Variants in SRD5A2 observed in about 807,000 individuals in gnomAD.
The protein encoded by SRD5A2 is 3-oxo-5-alpha-steroid 4-dehydrogenase 2.
In SRD5A2, 30 loss-of-function variants were observed where a neutral mutation model predicts 27.4. The observed-to-expected ratio is 1.10, with a 90% confidence interval of 0.82 to 1.49. The LOEUF is 1.49. Ranked by LOEUF, SRD5A2 falls within the 40% of genes most tolerant of loss-of-function variation. The pLI is 0.00. For synonymous variants in SRD5A2, 141 were observed against 133.6 expected (o/e 1.06, Z -0.38); for missense variants, 348 against 323.4 (o/e 1.08, Z -0.58).
At chr2:31,544,956 A>C (rs1238167551) in intron 1 of SRD5A2, among the ~76,000 whole-genome samples, 3 of 151,926 alleles carry the variant, frequency 2.0e-5, no homozygotes, top group Non-Finnish European at 4.4e-5. Flanking sequence ...CTACATGAAA[A>C]AGTTCAGATT....
chr2:31,628,666 T>C, the SRD5A2 span, among the ~76,000 whole-genome samples: 1 of 152,166 alleles, frequency 6.6e-6, no homozygotes, highest in South Asian at 2.1e-4. Context: ...GGCAGGTGTG[T>C]TAAATTCCCT....
chr2:31,605,003 C>A, the SRD5A2 span, among the ~76,000 whole-genome samples: 1 of 151,718 alleles, frequency 6.6e-6, no homozygotes, highest in African/African-American at 2.4e-5. Context: ...ATCCCACACA[C>A]CTACAGTGAA....
At chr2:31,540,283 G>A (rs1254678648) in intron 1 of SRD5A2, among the ~76,000 whole-genome samples, 1 of 151,944 alleles carries the variant, frequency 6.6e-6, no homozygotes, top group East Asian at 1.9e-4. Flanking sequence ...GAAAAACAGA[G>A]AGAACAAATA....
chr2:31,639,915 G>T, the SRD5A2 span, among the ~76,000 whole-genome samples: 1 of 151,908 alleles, frequency 6.6e-6, no homozygotes, highest in East Asian at 1.9e-4. Context: ...TCTATTATTT[G>T]TTTAAATAAG....
intron 1 of SRD5A2, among the ~76,000 whole-genome samples, chr2:31,557,515 G>A (rs1666524112): frequency 6.6e-6 from 1 of 152,010 alleles, no homozygotes; most frequent in South Asian, 2.1e-4. Context: ...TTTTTCAAGG[G>A]TTATACCATA....
the SRD5A2 span, among the ~76,000 whole-genome samples, chr2:31,607,499 T>C: frequency 6.6e-6 from 1 of 151,082 alleles, no homozygotes; most frequent in South Asian, 2.1e-4. Context: ...ATTCTTAAAA[T>C]ACTGGAAAAA....
chr2:31,596,648 G>A, the SRD5A2 span, among the ~76,000 whole-genome samples: 4,750 of 152,184 alleles, frequency 0.031, 107 homozygotes, highest in South Asian at 0.077. Flanking sequence ...CAAAGTTTCA[G>A]GATACAAAAT....
chr2:31,650,609 T>G, the SRD5A2 span, among the ~76,000 whole-genome samples: 1 of 152,144 alleles, frequency 6.6e-6, no homozygotes, highest in African/African-American at 2.4e-5. Context: ...CATATAAAAT[T>G]CCAGGAACTA....
chr2:31,626,326 T>C, the SRD5A2 span, among the ~76,000 whole-genome samples: 3 of 152,126 alleles, frequency 2.0e-5, no homozygotes, highest in Non-Finnish European at 4.4e-5. Context: ...GACTTCCTGT[T>C]TTCCTCATTG....
the SRD5A2 span, among the ~76,000 whole-genome samples, chr2:31,628,401 A>G: frequency 6.6e-6 from 1 of 152,076 alleles, no homozygotes; most frequent in Non-Finnish European, 1.5e-5. Flanking sequence ...ACAGCGTACC[A>G]CTGGGTTTTG....
the SRD5A2 span, among the ~76,000 whole-genome samples, chr2:31,619,076 A>T: frequency 6.6e-6 from 1 of 152,184 alleles, no homozygotes; most frequent in Non-Finnish European, 1.5e-5. Flanking sequence ...CACCATCATT[A>T]GTCACTAAGG....
chr2:31,573,355 G>A (rs1666890199), intron 1 of SRD5A2, among the ~76,000 whole-genome samples: 1 of 152,152 alleles, frequency 6.6e-6, no homozygotes, highest in African/African-American at 2.4e-5. Context: ...CTAGTTCAGG[G>A]GTTTTTAAAA....
At chr2:31,599,845 A>G in the SRD5A2 span, among the ~76,000 whole-genome samples, 3 of 151,868 alleles carry the variant, frequency 2.0e-5, no homozygotes, top group African/African-American at 7.2e-5. Context: ...TTCTTTTTTA[A>G]TTTTAAGTTC....
chr2:31,620,502 T>C, the SRD5A2 span, among the ~76,000 whole-genome samples: 1 of 152,216 alleles, frequency 6.6e-6, no homozygotes, highest in East Asian at 1.9e-4. Flanking sequence ...GGATACTAAA[T>C]CAATGTACAA....
chr2:31,573,494 C>T (rs1189477720), intron 1 of SRD5A2, among the ~76,000 whole-genome samples: 3 of 152,186 alleles, frequency 2.0e-5, no homozygotes, highest in African/African-American at 4.8e-5. Flanking sequence ...AACAGCAGAA[C>T]GGGAAGTACC....
chr2:31,634,224 G>C, the SRD5A2 span, among the ~76,000 whole-genome samples: 1 of 152,042 alleles, frequency 6.6e-6, no homozygotes, highest in Non-Finnish European at 1.5e-5. Context: ...CAATTGTTTT[G>C]ACAGACTTTT....
At chr2:31,639,784 C>T in the SRD5A2 span, among the ~76,000 whole-genome samples, 1 of 151,950 alleles carries the variant, frequency 6.6e-6, no homozygotes, top group African/African-American at 2.4e-5. Flanking sequence ...TTCTCTTTGT[C>T]CTTGACATTT....
chr2:31,550,717 A>G (rs1666365824), intron 1 of SRD5A2, among the ~76,000 whole-genome samples: 2 of 152,018 alleles, frequency 1.3e-5, no homozygotes, highest in South Asian at 4.1e-4. Flanking sequence ...GAAATAGAAA[A>G]TAAGAGTAGA....
chr2:31,643,682 G>A, the SRD5A2 span, among the ~76,000 whole-genome samples: 1 of 152,058 alleles, frequency 6.6e-6, no homozygotes, highest in South Asian at 2.1e-4. Flanking sequence ...TGTGGCAGAA[G>A]GTAAAGAAGT....
Sources: gnomAD v4.1 joint callset for allele counts (sites outside exome capture counted in the v4.1 genomes callset) on GRCh38, gnomAD v4.1.1 for gene constraint, MANE v1.5 for transcripts, NCBI Gene and HGNC (gene_info 2026-07-23, HGNC 2026-07-21) for gene names.